The following MAML3 variants were observed in gnomAD, a reference collection of about 807,000 sequenced individuals.
The protein encoded by MAML3 is mastermind-like protein 3.
MAML3 carries 27 observed loss-of-function variants against 101.9 expected under a neutral mutation model. That is an observed-to-expected ratio of 0.27 (90% CI 0.20 to 0.37). The LOEUF is 0.37. Among genes scored for constraint, MAML3 ranks in the 10% least tolerant of loss-of-function variants. The probability of loss-of-function intolerance (pLI) is 1.00; values close to 1 mark genes in which losing one functional copy is unlikely to be tolerated. For synonymous variants in MAML3, 501 were observed against 555.9 expected, an observed-to-expected ratio of 0.90 and a Z score of 1.39; for missense variants, 1,316 against 1,444.9, an observed-to-expected ratio of 0.91 and a Z score of 1.45.
In MAML3 at chr4:139,776,284, T is replaced by C. The variant is rs1730095395; in HGVS notation, c.2080-45617A>G. ...TGATGGTCTAGGAAGAGCCGTAACA[T>C]GCTGATATGTCTAAATTAGAGAGAA... On this transcript the variant is annotated intron_variant, in intron 2 of 4. Coordinates refer to ENST00000509479, the MANE Select transcript of MAML3 (RefSeq NM_018717.5). 2.0e-5 allele frequency among the ~76,000 whole-genome samples: 3 copies of C among 152,180 alleles called. No homozygotes were observed. In the South Asian group the frequency reaches 6.2e-4, roughly 32 times the overall value.
intron 1 of MAML3, chr4:140,128,162 ACTC>A (rs981271372): frequency 6.6e-6 from 1 of 151,668 alleles, no homozygotes; most frequent in African/African-American, 2.4e-5. Flanking sequence ...TTTGCTCCAA[ACTC>A]CTCCTCCTAC....
intron 1 of MAML3, among the ~76,000 whole-genome samples, chr4:139,985,479 A>C (rs988912838): frequency 2.0e-5 from 3 of 152,254 alleles, no homozygotes; most frequent in African/African-American, 7.2e-5. Context: ...CACTGTATAC[A>C]ACAAAAGGTC....
At chr4:140,034,508 G>A (rs537803595) in intron 1 of MAML3, among the ~76,000 whole-genome samples, 1 of 152,136 alleles carries the variant, frequency 6.6e-6, no homozygotes, top group South Asian at 2.1e-4. Flanking sequence ...GGAAAGGCTG[G>A]GTGGGCCCAA....
rs552407662 is a variant in MAML3, at chr4:139,828,745, T to G, written c.2079+60612A>C. 4.8e-4 allele frequency among the ~76,000 whole-genome samples: 64 copies of G among 134,322 alleles called. 1 individual carries two copies. The Middle Eastern group carries it at 0.013, about 26-fold the overall frequency. The allele number at this position is 134,322 out of a possible 152,430, so 88.1% of individuals were successfully genotyped here. A position where few individuals can be genotyped will look rare whatever the true frequency, so the allele number is the denominator to read the frequency against. On this transcript the variant is annotated intron_variant, in intron 2 of 4. Coordinates refer to ENST00000509479, the MANE Select transcript of MAML3 (RefSeq NM_018717.5). ...TTTTTTTTTTTTTAAAAACATAGTT[T>G]TATTGTAATGAATTACGGTCTTTAC...
rs563659647 is a variant in MAML3, at chr4:140,074,681, T to C, written c.468+78179A>G. The stretch of plus-strand genomic sequence containing the variant: ...GTATTCATAGTATGTCATATTTTAG[T>C]GTTAAGTACTTATGTGTGTAAGTGT... On this transcript the variant is annotated intron_variant, in intron 1 of 4. Coordinates refer to ENST00000509479, the MANE Select transcript of MAML3 (RefSeq NM_018717.5). Among the ~76,000 whole-genome samples the C allele has an allele frequency of 3.3e-5, 5 of 152,264 alleles. No homozygotes were observed. In the South Asian group the frequency reaches 1.0e-3, roughly 32 times the overall value.
chr4:139,998,986 G>A (rs1305942791), intron 1 of MAML3, among the ~76,000 whole-genome samples: 4 of 152,138 alleles, frequency 2.6e-5, no homozygotes, highest in African/African-American at 9.7e-5. Context: ...GGATCTATCT[G>A]CGGGTAGAGG....
intron 2 of MAML3, among the ~76,000 whole-genome samples, chr4:139,841,701 C>T (rs187868061): frequency 0.011 from 1,735 of 152,284 alleles, 89 homozygotes; most frequent in Admixed American, 0.095. Context: ...ATCGCTGGTC[C>T]CCACAAGTCA....
intron 2 of MAML3, among the ~76,000 whole-genome samples, chr4:139,822,501 C>A (rs1037644365): frequency 6.6e-6 from 1 of 152,146 alleles, no homozygotes; most frequent in Non-Finnish European, 1.5e-5. Context: ...TCTTAAGAGT[C>A]CCCTTATTGG....
intron 1 of MAML3, among the ~76,000 whole-genome samples, chr4:140,151,330 G>A (rs918461381): frequency 6.6e-6 from 1 of 152,022 alleles, no homozygotes; most frequent in Admixed American, 6.5e-5. Context: ...ACTGGGAGGA[G>A]GGAAGGATTC....
In MAML3 at chr4:140,153,662, G is replaced by A. The variant is rs1027874157; in HGVS notation, c.-335C>T. ...TCAAGGGGAGATCCGCTCCTTGCTT[G>A]CCTTCTTTTTATAATCCATTATTTT... On this transcript the variant is annotated 5_prime_UTR_variant, in exon 1 of 5. Coordinates refer to ENST00000509479, the MANE Select transcript of MAML3 (RefSeq NM_018717.5). 7 of 290,694 alleles carry A rather than the reference G, an allele frequency of 2.4e-5. No individual in the cohort carries two copies. Among genetic ancestry groups the A allele is most frequent in the Non-Finnish European group, 4.4e-5 (7 of 158,738 alleles). 18.0% of individuals were successfully genotyped at this position (290,694 alleles called of 1,614,324 possible).
chr4:139,811,179 G>A (rs566736280), intron 2 of MAML3, among the ~76,000 whole-genome samples: 7 of 152,234 alleles, frequency 4.6e-5, no homozygotes, highest in East Asian at 3.9e-4. Flanking sequence ...TAAAACTTAC[G>A]CCACTGTTAT....
chr4:140,115,000 T>C (rs559864926), intron 1 of MAML3, among the ~76,000 whole-genome samples: 9 of 152,296 alleles, frequency 5.9e-5, no homozygotes, highest in South Asian at 2.1e-4. Context: ...CATAAACAAA[T>C]TGCCCTATTT....
chr4:139,974,434 C>G (rs1734293238), intron 1 of MAML3, among the ~76,000 whole-genome samples: 2 of 152,108 alleles, frequency 1.3e-5, no homozygotes, highest in South Asian at 4.1e-4. Flanking sequence ...GTGTCTGTTA[C>G]ATGAGTACTA....
intron 2 of MAML3, among the ~76,000 whole-genome samples, chr4:139,741,329 C>T (rs189109057): frequency 3.3e-4 from 51 of 152,288 alleles, no homozygotes; most frequent in African/African-American, 1.0e-3. Context: ...GACCACCTGA[C>T]CCTGGGCCTT....
chr4:139,952,860 C>T (rs1733854524), intron 1 of MAML3, among the ~76,000 whole-genome samples: 2 of 152,210 alleles, frequency 1.3e-5, no homozygotes, highest in Non-Finnish European at 2.9e-5. Flanking sequence ...CTTTTCTCAC[C>T]AACCAGCTGG....
intron 1 of MAML3, among the ~76,000 whole-genome samples, chr4:139,903,876 G>A (rs908523779): frequency 6.6e-6 from 1 of 152,146 alleles, no homozygotes; most frequent in Non-Finnish European, 1.5e-5. Flanking sequence ...CTCATTAGAC[G>A]GCACCATCTA....
chr4:139,796,271 C>T (rs185737937), intron 2 of MAML3, among the ~76,000 whole-genome samples: 78 of 151,964 alleles, frequency 5.1e-4, no homozygotes, highest in African/African-American at 1.8e-3. Flanking sequence ...GAAGAAACTT[C>T]GAAAAAAGAA....
intron 1 of MAML3, among the ~76,000 whole-genome samples, chr4:139,933,110 A>T (rs764168434): frequency 6.6e-6 from 1 of 152,090 alleles, no homozygotes; most frequent in Non-Finnish European, 1.5e-5. Flanking sequence ...GGAGACAGAG[A>T]TGTGGAGAGA....
chr4:140,037,098 G>A (rs1726998629), intron 1 of MAML3, among the ~76,000 whole-genome samples: 2 of 151,942 alleles, frequency 1.3e-5, no homozygotes, highest in African/African-American at 4.8e-5. Flanking sequence ...GTATCTTTTA[G>A]TCCACTGACG....
Sources: allele counts gnomAD v4.1 joint callset (sites outside exome capture counted in the v4.1 genomes callset), GRCh38; gene constraint gnomAD v4.1.1; transcripts MANE v1.5; gene names NCBI Gene and HGNC (gene_info 2026-07-23, HGNC 2026-07-21).